The following BEND4 variants were observed in gnomAD, a reference collection of about 807,000 sequenced individuals.
BEND4 encodes BEN domain-containing protein 4.
In BEND4, 27 loss-of-function variants were observed where a neutral mutation model predicts 54.7. The ratio of observed to expected loss-of-function variants is 0.49; its 90% CI spans 0.36 to 0.68. The LOEUF (loss-of-function observed/expected upper bound fraction) is 0.68, where lower values mean the gene tolerates loss of function less well. Among genes scored for constraint, BEND4 ranks in the 30% least tolerant of loss-of-function variants. The pLI is 0.00. For synonymous variants in BEND4, 327 were observed against 299.5 expected, an observed-to-expected ratio of 1.09 and a Z score of -0.95; for missense variants, 702 against 697.2, an observed-to-expected ratio of 1.01 and a Z score of -0.08.
intron 3 of BEND4, 121 bp downstream of exon 3, chr4:42,143,306 AC>A: frequency 1.1e-6 from 1 of 924,938 alleles, no homozygotes; most frequent in Non-Finnish European, 1.6e-6. Context: ...TGGCCAAAAA[AC>A]AAAAAAAGCC....
chr4:42,151,449 T>G, intron 2 of BEND4: 1 of 397,348 alleles, frequency 2.5e-6, no homozygotes, highest in Non-Finnish European at 4.3e-6. Context: ...AGCCACCTGT[T>G]AGGCGCGCGC....
intron 5 of BEND4, 36 bp from the exon 6 acceptor site, chr4:42,117,771 G>A (rs930433273): frequency 1.7e-5 from 24 of 1,415,482 alleles, no homozygotes; most frequent in African/African-American, 4.3e-5. Flanking sequence ...AAGAGAGAGA[G>A]AAAAAAACAG....
chr4:42,117,667 C>G lies in BEND4; in HGVS notation c.1456G>C (p.Val486Leu). The stretch of plus-strand genomic sequence containing the variant: ...GCGTGACCGACAGCGTCGCTGAACA[C>G]TTTGTTTATCTGCTCTTCCGAGGGC... ...WMPSEEQINK[V>L]FSDAVGHARQ... The change falls in exon 6 of 6, where the codon GTG becomes CTG. Residue 486 changes from valine to leucine, a missense_variant. By Grantham distance (32) the Val-to-Leu change is conservative. Transcript: ENST00000502486. The G allele has an allele frequency of 2.5e-6, 4 of 1,611,116 alleles. No individual in the cohort carries two copies. Among genetic ancestry groups the G allele is most frequent in the Non-Finnish European group, 3.4e-6 (4 of 1,178,636 alleles).
intron 3 of BEND4, among the ~76,000 whole-genome samples, chr4:42,128,634 A>T (rs1720385814): frequency 6.6e-6 from 1 of 151,882 alleles, no homozygotes; most frequent in Admixed American, 6.6e-5. Flanking sequence ...AAAAAAACAG[A>T]AAAGAAAAAA....
At chr4:42,139,751 C>T (rs189208143) in intron 3 of BEND4, among the ~76,000 whole-genome samples, 3 of 152,194 alleles carry the variant, frequency 2.0e-5, no homozygotes, top group East Asian at 3.9e-4. Context: ...ATTCATCCAT[C>T]CTGCTTGGCT....
In BEND4 at chr4:42,152,174, C is replaced by G; in HGVS notation, c.-31G>C. On this transcript the variant is annotated 5_prime_UTR_variant, in exon 2 of 6. Coordinates refer to ENST00000502486, the MANE Select transcript of BEND4 (RefSeq NM_207406.4). The stretch of plus-strand genomic sequence containing the variant: ...GCCTCGGGGCCGGTCCCTCGGAGCA[C>G]GTCCCCTCCCCGCCGGGCGCCGGGC... 8.1e-7 allele frequency: 1 copy of G among 1,238,806 alleles called. No homozygotes were observed. Among genetic ancestry groups the G allele is most frequent in the Non-Finnish European group, 1.0e-6 (1 of 983,540 alleles). The allele number at this position is 1,238,806 out of a possible 1,614,324, so 76.7% of individuals were successfully genotyped here. A position where few individuals can be genotyped will look rare whatever the true frequency, so the allele number is the denominator to read the frequency against.
intron 3 of BEND4, among the ~76,000 whole-genome samples, chr4:42,133,892 C>T (rs1720598745): frequency 6.6e-6 from 1 of 152,138 alleles, no homozygotes; most frequent in Non-Finnish European, 1.5e-5. Context: ...AAATGACCTA[C>T]TGTATACAGT....
intron 2 of BEND4, among the ~76,000 whole-genome samples, chr4:42,146,324 G>T (rs1176994193): frequency 1.3e-5 from 2 of 152,198 alleles, no homozygotes; most frequent in Non-Finnish European, 2.9e-5. Flanking sequence ...AGAAAGACAT[G>T]GGTTGGTTGT....
intron 5 of BEND4, among the ~76,000 whole-genome samples, chr4:42,118,367 T>C (rs937726206): frequency 6.6e-6 from 1 of 152,226 alleles, no homozygotes; most frequent in African/African-American, 2.4e-5. Flanking sequence ...GCAATTAACA[T>C]GCCCAGAAGA....
At position 42,111,064 on chromosome 4, in the gene BEND4, AAT is replaced by A. The variant is rs1410912662; in HGVS notation, c.*6452_*6453del. ...CCTGAAATAATTGGCTCTAGTAACA[AAT>A]GTCTCTTATAATTAAAAATATTGAA... On this transcript the variant is annotated 3_prime_UTR_variant, in exon 6 of 6. Transcript: ENST00000502486. 1 of 152,196 alleles carries A rather than the reference AAT, an allele frequency of 6.6e-6. No individual in the cohort carries two copies. The highest frequency in any genetic ancestry group is 1.5e-5 in the Non-Finnish European group (1 of 68,040). 9.4% of individuals were successfully genotyped at this position (152,196 alleles called of 1,614,324 possible). A position where few individuals can be genotyped will look rare whatever the true frequency, so the allele number is the denominator to read the frequency against.
intron 3 of BEND4, among the ~76,000 whole-genome samples, chr4:42,135,471 C>G (rs1720665253): frequency 6.6e-6 from 1 of 152,072 alleles, no homozygotes. Flanking sequence ...TTGGTACTTT[C>G]AACATTCCTA....
intron 3 of BEND4, among the ~76,000 whole-genome samples, chr4:42,129,312 G>A (rs1417643112): frequency 6.6e-6 from 1 of 152,170 alleles, no homozygotes; most frequent in Non-Finnish European, 1.5e-5. Flanking sequence ...CATGCTCATG[G>A]ATAGGAAGAA....
At chr4:42,142,494 G>T (rs1396433735) in intron 3 of BEND4, among the ~76,000 whole-genome samples, 1 of 150,598 alleles carries the variant, frequency 6.6e-6, no homozygotes, top group Non-Finnish European at 1.5e-5. Flanking sequence ...CTTGCCAGGC[G>T]TGGTGGTGGG....
intron 5 of BEND4, 198 bp downstream of exon 5, chr4:42,119,856 A>T (rs7684103): frequency 0.036 from 21,831 of 610,596 alleles, 1,698 homozygotes; most frequent in African/African-American, 0.24. Flanking sequence ...TACCACTAAG[A>T]GAGAACAACA....
intron 3 of BEND4, among the ~76,000 whole-genome samples, chr4:42,136,031 AAG>A (rs1355630331): frequency 6.6e-6 from 1 of 152,080 alleles, no homozygotes; most frequent in Non-Finnish European, 1.5e-5. Context: ...TTCTCAGTGA[AAG>A]AACTCAGTTC....
intron 2 of BEND4, among the ~76,000 whole-genome samples, chr4:42,149,155 C>G (rs563488942): frequency 6.6e-6 from 1 of 152,206 alleles, no homozygotes; most frequent in Non-Finnish European, 1.5e-5. Context: ...AGCAATTACA[C>G]TTCTGCGAGG....
intron 3 of BEND4, among the ~76,000 whole-genome samples, chr4:42,128,829 G>A (rs1307845262): frequency 2.7e-5 from 4 of 148,024 alleles, no homozygotes; most frequent in South Asian, 2.2e-4. Context: ...CCAGCTACTC[G>A]GGAGGCTGAG....
chr4:42,151,626 C>T, intron 2 of BEND4, 31 bp downstream of exon 2: 2 of 1,430,758 alleles, frequency 1.4e-6, no homozygotes, highest in Non-Finnish European at 1.8e-6. Context: ...CCGGCCGTGG[C>T]GGGAAGGAAA....
rs1030029620 is a variant in BEND4, at chr4:42,144,787, T to C, written c.488-793A>G. On this transcript the variant is annotated intron_variant, in intron 2 of 5. Transcript: ENST00000502486. ...CCATGTACATGAATTCTAAAGCATA[T>C]TGTCAACCATTGAAAGCAAAAAGCA... Among the ~76,000 whole-genome samples the C allele has an allele frequency of 1.1e-4, 16 of 152,204 alleles. No homozygotes were observed. The South Asian group carries it at 2.1e-3, about 20-fold the overall frequency.
Sources: allele counts gnomAD v4.1 joint callset (sites outside exome capture counted in the v4.1 genomes callset), GRCh38; gene constraint gnomAD v4.1.1; transcripts MANE v1.5; gene names NCBI Gene and HGNC (gene_info 2026-07-23, HGNC 2026-07-21).